Variants in ARAP2 observed in about 807,000 individuals in gnomAD.
ARAP2 encodes arf-GAP with Rho-GAP domain, ANK repeat and PH domain-containing protein 2.
Under a neutral mutation model 194.5 loss-of-function variants are expected in ARAP2, and 148 were observed. The observed-to-expected ratio is 0.76, with a 90% CI of 0.67 to 0.87. The LOEUF (loss-of-function observed/expected upper bound fraction) is 0.87. Among genes scored for constraint, ARAP2 ranks in the 40% least tolerant of loss-of-function variants. ARAP2 has a pLI of 0.00. For missense variants in ARAP2, 2,128 were observed against 1,989.7 expected (o/e 1.07, Z -1.32); for synonymous variants, 695 against 683.5 (o/e 1.02, Z -0.26).
intron 15 of ARAP2, among the ~76,000 whole-genome samples, chr4:36,152,134 T>A (rs1036226642): frequency 6.6e-6 from 1 of 152,158 alleles, no homozygotes; most frequent in Non-Finnish European, 1.5e-5. Flanking sequence ...GAGAGCTAGA[T>A]AGGACACAGT....
intron 24 of ARAP2, among the ~76,000 whole-genome samples, chr4:36,119,327 C>A (rs956486656): frequency 1.3e-5 from 2 of 151,442 alleles, no homozygotes; most frequent in Non-Finnish European, 3.0e-5. Flanking sequence ...TCAACTTACT[C>A]TAAGTATTTC....
At chr4:36,153,233 T>G (rs930797251) in intron 15 of ARAP2, among the ~76,000 whole-genome samples, 1 of 152,194 alleles carries the variant, frequency 6.6e-6, no homozygotes, top group African/African-American at 2.4e-5. Flanking sequence ...GTGCACGTAT[T>G]GTCTTTGAGG....
downstream of ARAP2, chr4:36,065,471 G>T: frequency 2.9e-6 from 1 of 350,680 alleles, no homozygotes. Flanking sequence ...GCCTTTGATG[G>T]GCTGGCTGCA....
At position 36,200,396 on chromosome 4, in the gene ARAP2, C is replaced by T. The variant is rs142082145; in HGVS notation, c.1488-6749G>A. ...TCAGCCTCCTGAGTAGCTGGGATTA[C>T]GGGCATGCACCACCATGCCCAGCTA... On this transcript the variant is annotated intron_variant, in intron 6 of 32. Coordinates refer to ENST00000303965, the MANE Select transcript of ARAP2 (RefSeq NM_015230.4). Among the ~76,000 whole-genome samples the T allele has an allele frequency of 5.7e-3, 864 of 152,164 alleles. 12 individuals are homozygous for T. Among genetic ancestry groups the T allele is most frequent in the African/African-American group, 0.02 (823 of 41,514 alleles).
At chr4:36,099,744 T>C (rs1015649177) in intron 27 of ARAP2, among the ~76,000 whole-genome samples, 4 of 152,124 alleles carry the variant, frequency 2.6e-5, no homozygotes, top group African/African-American at 9.6e-5. Flanking sequence ...CTCTGCTAGA[T>C]CGCAGACAGT....
intron 1 of ARAP2, among the ~76,000 whole-genome samples, chr4:36,230,303 C>A (rs1751192180): frequency 6.6e-6 from 1 of 152,194 alleles, no homozygotes; most frequent in African/African-American, 2.4e-5. Context: ...ATGCAATTTT[C>A]TTAACAGTAG....
intron 8 of ARAP2, among the ~76,000 whole-genome samples, chr4:36,187,170 CA>C (rs747347851): frequency 5.3e-5 from 8 of 152,162 alleles, no homozygotes; most frequent in Non-Finnish European, 1.2e-4. Flanking sequence ...TCCACGAAAG[CA>C]GAGAATTGTG....
At position 36,091,877 on chromosome 4, in the gene ARAP2, A is replaced by T. The variant is rs1305965795; in HGVS notation, c.4425+4T>A. ...AAAAATGTACGCATGTTCAAATACT[A>T]TACCTTCACATCCTTGTAAAGAAAG... On this transcript the variant is annotated splice_donor_region_variant and intron_variant, in intron 28 of 32. Transcript: ENST00000303965. 1.9e-6 allele frequency: 3 copies of T among 1,593,008 alleles called. No homozygotes were observed. In the Admixed American group the frequency reaches 5.1e-5, roughly 27 times the overall value.
Position 36,083,403 on chromosome 4 carries a change from AT to A in ARAP2, c.4472del (p.Tyr1491PhefsTer4). On this transcript the variant is annotated frameshift_variant, in exon 29 of 33. Transcript: ENST00000303965. LOFTEE classifies it high-confidence loss of function. ...GCTTCATTTTCTTTTTCACTCCACGATAAAACTTCATGGAACTGAGAGAAAA... is the reference window on the plus strand; with the variant it reads ...GCTTCATTTTCTTTTTCACTCCACGAAAAACTTCATGGAACTGAGAGAAAA... ...KMFSLSSMKF[Y>X]RGVKKKMKPP... 1 of 1,608,892 alleles carries A rather than the reference AT, an allele frequency of 6.2e-7. No individual in the cohort carries two copies. Among genetic ancestry groups the A allele is most frequent in the Non-Finnish European group, 8.5e-7 (1 of 1,178,096 alleles).
intron 13 of ARAP2, 92 bp downstream of exon 13, chr4:36,160,367 T>G (rs761258043): frequency 5.7e-5 from 73 of 1,286,758 alleles, no homozygotes; most frequent in Non-Finnish European, 6.7e-5. Context: ...TTTTGTCAGA[T>G]AGTATAAAAT....
At chr4:36,196,694 G>A (rs1045236012) in intron 6 of ARAP2, among the ~76,000 whole-genome samples, 3 of 152,052 alleles carry the variant, frequency 2.0e-5, no homozygotes, top group Non-Finnish European at 2.9e-5. Flanking sequence ...CCCTACAGGT[G>A]GAGAAAGCTA....
At chr4:36,218,685 A>G (rs1748519870) in intron 2 of ARAP2, among the ~76,000 whole-genome samples, 1 of 152,218 alleles carries the variant, frequency 6.6e-6, no homozygotes, top group Non-Finnish European at 1.5e-5. Context: ...AAGACATAAC[A>G]GTTTTAACTC....
intron 27 of ARAP2, among the ~76,000 whole-genome samples, chr4:36,105,829 T>C (rs1184954639): frequency 1.3e-5 from 2 of 151,972 alleles, no homozygotes; most frequent in Non-Finnish European, 2.9e-5. Context: ...TTCTTATCCA[T>C]TTTTATTCAT....
rs944651002 is a variant in ARAP2, at chr4:36,159,504, G to A, written c.2444C>T (p.Ala815Val). ...CGGTTTCACTACAGCAGCACATAGA[G>A]CCTGGTCATTAAAAGAAAATATACA... ...ASLTKEELNK[A>V]LCAAVVKPDV... is the part of the protein sequence containing the mutation. Residue 815 changes from alanine (A) to valine (V), a missense_variant and splice_region_variant, in exon 14 of 33, where the codon GCT becomes GTT. Ala to Val is a moderately conservative substitution (Grantham distance 64). Coordinates refer to ENST00000303965, the MANE Select transcript of ARAP2 (RefSeq NM_015230.4). 8 of 1,519,192 alleles carry A rather than the reference G, an allele frequency of 5.3e-6. No homozygotes were observed. Among genetic ancestry groups the A allele is most frequent in the Non-Finnish European group, 6.2e-6 (7 of 1,127,680 alleles). 94.1% of individuals were successfully genotyped at this position (1,519,192 alleles called of 1,614,324 possible). A position where few individuals can be genotyped will look rare whatever the true frequency, so the allele number is the denominator to read the frequency against.
intron 2 of ARAP2, among the ~76,000 whole-genome samples, chr4:36,227,664 C>T (rs926415067): frequency 6.6e-6 from 1 of 152,074 alleles, no homozygotes; most frequent in Non-Finnish European, 1.5e-5. Flanking sequence ...GAAACTCCAG[C>T]GTGGAGCCTG....
At chr4:36,174,747 T>G (rs1737438616) in intron 9 of ARAP2, among the ~76,000 whole-genome samples, 1 of 152,178 alleles carries the variant, frequency 6.6e-6, no homozygotes, top group Non-Finnish European at 1.5e-5. Flanking sequence ...CTTCTTCACA[T>G]GATGCCATTT....
intron 9 of ARAP2, among the ~76,000 whole-genome samples, chr4:36,169,030 T>C (rs2109815006): frequency 1.3e-5 from 2 of 152,320 alleles, no homozygotes; most frequent in South Asian, 4.1e-4. Flanking sequence ...TTGGATAAAC[T>C]TCCAATGCAT....
At chr4:36,087,996 A>C (rs1474887550) in intron 28 of ARAP2, among the ~76,000 whole-genome samples, 1 of 152,122 alleles carries the variant, frequency 6.6e-6, no homozygotes, top group Non-Finnish European at 1.5e-5. Flanking sequence ...TGTATAGATA[A>C]AATGAGATAA....
At chr4:36,027,241 TA>T (rs113284847) in intron 5 of ARAP2, among the ~76,000 whole-genome samples, 2,297 of 152,174 alleles carry the variant, frequency 0.015, 47 homozygotes, top group African/African-American at 0.05. Context: ...CATCTCTATT[TA>T]AAGATGAGTA....
Sources: allele counts gnomAD v4.1 joint callset (sites outside exome capture counted in the v4.1 genomes callset), GRCh38; gene constraint gnomAD v4.1.1; transcripts MANE v1.5; gene names NCBI Gene and HGNC (gene_info 2026-07-23, HGNC 2026-07-21).